The following PLEK2 variants were observed in gnomAD, a reference collection of about 807,000 sequenced individuals.
The protein encoded by PLEK2 is pleckstrin 2.
In PLEK2, 29 loss-of-function variants were observed where a neutral mutation model predicts 43.8. That is an observed-to-expected ratio of 0.66 (90% CI 0.49 to 0.90). PLEK2 has a LOEUF of 0.90. PLEK2 is among the 40% of genes least tolerant of loss of function. The pLI is 0.00. For missense variants in PLEK2, 398 were observed against 448.1 expected (o/e 0.89, Z 1.01); for synonymous variants, 162 against 173.2 (o/e 0.94, Z 0.51).
In PLEK2 at chr14:67,391,269, A is replaced by ATGTGTGTGTGTGTG. The variant is rs145218491; in HGVS notation, c.772-524_772-523insCACACACACACACA. Among the ~76,000 whole-genome samples the ATGTGTGTGTGTGTG allele has an allele frequency of 2.2e-3, 301 of 139,618 alleles. 3 individuals are homozygous for ATGTGTGTGTGTGTG. The highest frequency in any genetic ancestry group is 8.6e-3 in the African/African-American group (292 of 34,084). 91.6% of individuals were successfully genotyped at this position (139,618 alleles called of 152,430 possible). ...TAAAATCTAAATGTGTAAGCAGCTG[A>ATGTGTGTGTGTGTG]TATGTGTGTGTGTGTGTGTGTGTGT... On this transcript the variant is annotated intron_variant, in intron 6 of 8. Coordinates refer to ENST00000216446, the MANE Select transcript of PLEK2 (RefSeq NM_016445.3).
intron 1 of PLEK2, among the ~76,000 whole-genome samples, chr14:67,399,890 ACACAGTCACAAAAG>A (rs1266917976): frequency 2.0e-5 from 3 of 152,198 alleles, no homozygotes; most frequent in Non-Finnish European, 4.4e-5. Context: ...TGAGTTTAGT[ACACAGTCACAAAAG>A]CACCTTCCTG....
intron 7 of PLEK2, among the ~76,000 whole-genome samples, chr14:67,389,201 G>A (rs2085949509): frequency 6.6e-6 from 1 of 151,938 alleles, no homozygotes; most frequent in Non-Finnish European, 1.5e-5. Context: ...GCAAGAGGTA[G>A]GGCAAAAAAT....
At chr14:67,407,925 A>G (rs1284217698) in intron 1 of PLEK2, among the ~76,000 whole-genome samples, 7 of 152,162 alleles carry the variant, frequency 4.6e-5, no homozygotes, top group Non-Finnish European at 1.0e-4. Context: ...ATGCACTATG[A>G]TCACACCTGT....
At chr14:67,403,261 T>C (rs1244204871) in intron 1 of PLEK2, among the ~76,000 whole-genome samples, 8 of 152,232 alleles carry the variant, frequency 5.3e-5, no homozygotes, top group East Asian at 1.9e-4. Context: ...CCATTTTGCA[T>C]TGATGCATGT....
Position 67,395,394 on chromosome 14 carries a change from G to A in PLEK2, c.389+8C>T, listed in dbSNP as rs1171586012. 2 of 1,612,510 alleles carry A rather than the reference G, an allele frequency of 1.2e-6. No individual in the cohort carries two copies. Among genetic ancestry groups the A allele is most frequent in the Non-Finnish European group, 1.7e-6 (2 of 1,179,022 alleles). ...GCTGCCACAGAGCCCGGCAAGTGGGGCACTCACTGCAGGCTGATGTGCGGG... is the reference window on the plus strand; with the variant it reads ...GCTGCCACAGAGCCCGGCAAGTGGGACACTCACTGCAGGCTGATGTGCGGG... On this transcript the variant is annotated splice_region_variant and intron_variant, in intron 3 of 8. Transcript: ENST00000216446.
intron 7 of PLEK2, among the ~76,000 whole-genome samples, 154 bp downstream of exon 7, chr14:67,390,509 G>A (rs1411325408): frequency 6.6e-6 from 1 of 152,230 alleles, no homozygotes; most frequent in African/African-American, 2.4e-5. Context: ...GGGCAGAGCA[G>A]CTTGGACTGT....
chr14:67,395,584 C>T lies in PLEK2; in HGVS notation c.208-1G>A. 6.2e-7 allele frequency: 1 copy of T among 1,613,910 alleles called. No homozygotes were observed. Among genetic ancestry groups the T allele is most frequent in the Non-Finnish European group, 8.5e-7 (1 of 1,179,870 alleles). On this transcript the variant is annotated splice_acceptor_variant, in intron 2 of 8. Coordinates refer to ENST00000216446, the MANE Select transcript of PLEK2 (RefSeq NM_016445.3). LOFTEE classifies it high-confidence loss of function. The stretch of plus-strand genomic sequence containing the variant: ...TTTGAGTCTTCAGCTTAATGAGGAG[C>T]TGTGGGAAGAGAGAGCCAGTCAGGC...
At chr14:67,400,808 T>TG (rs1242965801) in intron 1 of PLEK2, among the ~76,000 whole-genome samples, 12 of 151,170 alleles carry the variant, frequency 7.9e-5, no homozygotes, top group Non-Finnish European at 1.2e-4. Flanking sequence ...GGCAACATAG[T>TG]GAAATGCCAT....
chr14:67,392,569 C>CT, intron 5 of PLEK2, 93 bp downstream of exon 5: 2 of 1,295,370 alleles, frequency 1.5e-6, no homozygotes, highest in Non-Finnish European at 2.2e-6. Flanking sequence ...AGCCCAAGGT[C>CT]TCCTCCCATG....
intron 8 of PLEK2, 107 bp from the exon 9 acceptor site, chr14:67,387,563 TG>T: frequency 8.9e-7 from 1 of 1,129,264 alleles, no homozygotes; most frequent in East Asian, 2.6e-5. Flanking sequence ...CATACAATGA[TG>T]TATTTATTAA....
At chr14:67,404,708 G>A (rs1258977715) in intron 1 of PLEK2, among the ~76,000 whole-genome samples, 1 of 151,992 alleles carries the variant, frequency 6.6e-6, no homozygotes, top group Admixed American at 6.6e-5. Context: ...CACTCAGGAG[G>A]CTGAGGTGGG....
chr14:67,406,371 G>A (rs1432940194), intron 1 of PLEK2, among the ~76,000 whole-genome samples: 6 of 152,206 alleles, frequency 3.9e-5, no homozygotes, highest in African/African-American at 7.2e-5. Context: ...CTGAGGTGGG[G>A]TTAGGTACAT....
chr14:67,399,453 G>C (rs2086032507), intron 1 of PLEK2, among the ~76,000 whole-genome samples: 1 of 148,916 alleles, frequency 6.7e-6, no homozygotes, highest in Admixed American at 6.7e-5. Flanking sequence ...CTGTCAGGTG[G>C]CAGGAATAAA....
At chr14:67,390,541 CAG>C (rs2085958335) in intron 7 of PLEK2, 120 bp downstream of exon 7, 6 of 759,964 alleles carry the variant, frequency 7.9e-6, no homozygotes, top group Non-Finnish European at 1.4e-5. Context: ...CATGGTGCAG[CAG>C]ACTTTACGGC....
At chr14:67,390,580 A>G (rs898617884) in intron 7 of PLEK2, 83 bp downstream of exon 7, 16 of 980,698 alleles carry the variant, frequency 1.6e-5, no homozygotes, top group Admixed American at 1.2e-4. Flanking sequence ...CAGGATATCC[A>G]GCCAGCTGCC....
At position 67,397,699 on chromosome 14, in the gene PLEK2, G is replaced by C; in HGVS notation, c.170C>G (p.Thr57Ser). Residue 57 changes from threonine to serine, a missense_variant, in exon 2 of 9, where the codon ACC (threonine) becomes AGC (serine). Coordinates refer to ENST00000216446, the MANE Select transcript of PLEK2 (RefSeq NM_016445.3). Reference protein sequence around the residue: ...PKGRILLDGCTITCPCLEYEN... With the variant: ...PKGRILLDGCSITCPCLEYEN... ...ATACTCCAGGCAGGGGCAGGTGATG[G>C]TGCAGCCATCCAGGAGGATCCGGCC... 1.2e-6 allele frequency: 2 copies of C among 1,613,426 alleles called. No homozygotes were observed. Among genetic ancestry groups the C allele is most frequent in the Non-Finnish European group, 1.7e-6 (2 of 1,179,696 alleles).
intron 1 of PLEK2, among the ~76,000 whole-genome samples, chr14:67,399,432 A>G (rs868572745): frequency 3.6e-4 from 48 of 134,142 alleles, no homozygotes; most frequent in African/African-American, 8.1e-4. Flanking sequence ...AGAGAAGGGT[A>G]GTTTAGGTGG....
At chr14:67,392,292 G>T in intron 6 of PLEK2, 34 bp downstream of exon 6, 2 of 1,338,274 alleles carry the variant, frequency 1.5e-6, no homozygotes, top group Non-Finnish European at 2.2e-6. Flanking sequence ...CTTGAGAACT[G>T]TCCATCTCTC....
At chr14:67,407,338 G>A (rs774423940) in intron 1 of PLEK2, among the ~76,000 whole-genome samples, 1 of 151,894 alleles carries the variant, frequency 6.6e-6, no homozygotes, top group Non-Finnish European at 1.5e-5. Context: ...GTCTAGGCTG[G>A]TCTCGAACTC....
Sources: gnomAD v4.1 joint callset for allele counts (sites outside exome capture counted in the v4.1 genomes callset) on GRCh38, gnomAD v4.1.1 for gene constraint, MANE v1.5 for transcripts, NCBI Gene and HGNC (gene_info 2026-07-23, HGNC 2026-07-21) for gene names.